GPC5: variants seen among roughly 807,000 people sequenced by gnomAD.
GPC5 encodes the protein glypican-5.
A neutral mutation model predicts 53.9 loss-of-function variants in GPC5; 47 were observed. The observed-to-expected ratio is 0.87, with a 90% CI of 0.69 to 1.11. The LOEUF is 1.11. GPC5 is among the 50% of genes most tolerant of loss of function. GPC5 has a pLI of 0.00. For missense variants in GPC5, 748 were observed against 713.1 expected (o/e 1.05, Z -0.56); for synonymous variants, 286 against 263.3 (o/e 1.09, Z -0.84).
intron 5 of GPC5, among the ~76,000 whole-genome samples, chr13:91,757,147 C>T (rs2037313021): frequency 6.6e-6 from 1 of 151,902 alleles, no homozygotes; most frequent in Non-Finnish European, 1.5e-5. Context: ...ATAAATTCTC[C>T]CTCTGTGGTC....
At chr13:92,151,979 GT>G in intron 7 of GPC5, among the ~76,000 whole-genome samples, 1 of 152,254 alleles carries the variant, frequency 6.6e-6, no homozygotes. Flanking sequence ...TTATAATTTG[GT>G]TTCAGCAACT....
chr13:92,752,890 C>T (rs543525235), intron 7 of GPC5, among the ~76,000 whole-genome samples: 1 of 152,238 alleles, frequency 6.6e-6, no homozygotes, highest in African/African-American at 2.4e-5. Flanking sequence ...GATCAAACTG[C>T]AAGGCGGCAG....
intron 7 of GPC5, among the ~76,000 whole-genome samples, chr13:92,621,809 A>G (rs914508543): frequency 6.6e-6 from 1 of 152,008 alleles, no homozygotes; most frequent in Non-Finnish European, 1.5e-5. Context: ...ACAGAGAAAG[A>G]CCCTGTCACT....
At chr13:92,517,333 G>C (rs527808495) in intron 7 of GPC5, among the ~76,000 whole-genome samples, 7 of 152,298 alleles carry the variant, frequency 4.6e-5, no homozygotes, top group South Asian at 4.1e-4. Context: ...GCTTTGAAGA[G>C]AGTAGTGTTT....
intron 5 of GPC5, among the ~76,000 whole-genome samples, chr13:91,860,303 T>C (rs993586603): frequency 1.3e-5 from 2 of 152,090 alleles, no homozygotes; most frequent in African/African-American, 4.8e-5. Flanking sequence ...CTTCCACATA[T>C]GAGTGAGAAG....
chr13:91,473,816 G>A (rs1217427056), intron 2 of GPC5, among the ~76,000 whole-genome samples: 1 of 152,072 alleles, frequency 6.6e-6, no homozygotes, highest in African/African-American at 2.4e-5. Flanking sequence ...GGATAGTATG[G>A]AAAAATAGTG....
At chr13:92,612,959 T>C (rs1477212522) in intron 7 of GPC5, among the ~76,000 whole-genome samples, 3 of 151,850 alleles carry the variant, frequency 2.0e-5, no homozygotes, top group Non-Finnish European at 4.4e-5. Flanking sequence ...TTAATCCTTA[T>C]AACACTCCTA....
chr13:91,936,595 G>A (rs751542190), intron 6 of GPC5, among the ~76,000 whole-genome samples: 22 of 151,946 alleles, frequency 1.4e-4, no homozygotes, highest in Non-Finnish European at 3.2e-4. Context: ...TTATTATTCA[G>A]TCTACCACAT....
rs568273368 is a variant in GPC5 at position 92,297,865 on chromosome 13, T to A, written c.1561+152876T>A. ...ACTCTTTGGGTCCACGCTGCTTTTA[T>A]GAGCTGTAACACTCACCGCGAAGAT... On this transcript the variant is annotated intron_variant, in intron 7 of 7. Coordinates refer to ENST00000377067, the MANE Select transcript of GPC5 (RefSeq NM_004466.6). 9.9e-5 allele frequency among the ~76,000 whole-genome samples: 15 copies of A among 152,198 alleles called. 1 individual carries two copies. The East Asian group carries it at 2.9e-3, about 30-fold the overall frequency.
intron 7 of GPC5, chr13:92,705,874 TGAG>T (rs1357125123): frequency 6.6e-6 from 1 of 150,906 alleles, no homozygotes; most frequent in African/African-American, 2.4e-5. Context: ...TTGGTTGAGC[TGAG>T]GAGTTTAATA....
rs1244826471 is a variant in GPC5 at position 91,398,659 on chromosome 13, A to AGGCGGCGGC, written c.-378_-370dup. The AGGCGGCGGC allele has an allele frequency of 5.4e-4, 54 of 100,498 alleles. 1 individual carries two copies. The highest frequency in any genetic ancestry group is 1.7e-3 in the African/African-American group (52 of 31,410). The allele number at this position is 100,498 out of a possible 1,614,324, so 6.2% of individuals were successfully genotyped here. ...TGCTGCGAGCCGAGCCGGGCGGCGGAGGCGGCGGCGGCGGCGGCAGTGGCG... is the reference window on the plus strand; with the variant it reads ...TGCTGCGAGCCGAGCCGGGCGGCGGAGGCGGCGGCGGCGGCGGCGGCGGCGGCAGTGGCG... On this transcript the variant is annotated 5_prime_UTR_variant, in exon 1 of 8. Transcript: ENST00000377067.
intron 7 of GPC5, among the ~76,000 whole-genome samples, chr13:92,346,239 A>T (rs759410860): frequency 6.6e-6 from 1 of 152,128 alleles, no homozygotes; most frequent in Admixed American, 6.6e-5. Flanking sequence ...TGCCTGTCCC[A>T]AGCAGTGACT....
intron 1 of GPC5, among the ~76,000 whole-genome samples, chr13:91,429,900 G>A (rs1414127932): frequency 1.3e-5 from 2 of 152,140 alleles, no homozygotes; most frequent in African/African-American, 2.4e-5. Flanking sequence ...TATGTGAGGA[G>A]CAAGGATACA....
At chr13:92,436,079 A>G (rs1877293892) in intron 7 of GPC5, among the ~76,000 whole-genome samples, 1 of 152,196 alleles carries the variant, frequency 6.6e-6, no homozygotes. Flanking sequence ...AAAATTATTC[A>G]TTCAGACCAT....
chr13:91,655,323 A>G (rs933454693), intron 2 of GPC5, among the ~76,000 whole-genome samples: 1 of 152,096 alleles, frequency 6.6e-6, no homozygotes, highest in Non-Finnish European at 1.5e-5. Context: ...ATGTATGTAT[A>G]CTAAAATTTG....
chr13:91,876,577 G>A (rs1354238709), intron 5 of GPC5, among the ~76,000 whole-genome samples: 1 of 152,150 alleles, frequency 6.6e-6, no homozygotes, highest in Non-Finnish European at 1.5e-5. Context: ...TAGGGTATCT[G>A]GTGGAAAAAA....
At position 91,756,400 on chromosome 13, in the gene GPC5, T is replaced by C. The variant is rs775775860; in HGVS notation, c.1260T>C (p.Asn420=). 8 of 1,592,906 alleles carry C rather than the reference T, an allele frequency of 5.0e-6. No individual in the cohort carries two copies. Among genetic ancestry groups the C allele is most frequent in the African/African-American group, 2.7e-5 (2 of 74,600 alleles). The change falls in exon 5 of 8, where the codon AAT becomes AAC. Residue 420 remains asparagine (N), a synonymous_variant. Transcript: ENST00000377067. ...CTGCAGATGGACTTCCCTGCTGGAA[T>C]GGAGAAGATATAGTAAAAAGGTATT... ...LAAADGLPCW[N]GEDIVKSYTQ... is the part of the protein sequence containing the mutation.
intron 7 of GPC5, among the ~76,000 whole-genome samples, chr13:92,502,020 C>CA (rs1880201525): frequency 6.6e-6 from 1 of 151,880 alleles, no homozygotes; most frequent in Non-Finnish European, 1.5e-5. Flanking sequence ...AGAAGAGCGA[C>CA]AAAAATGGCA....
At chr13:92,715,781 A>G (rs970557922) in intron 7 of GPC5, among the ~76,000 whole-genome samples, 9 of 152,214 alleles carry the variant, frequency 5.9e-5, no homozygotes, top group Non-Finnish European at 7.3e-5. Flanking sequence ...GAAAGAAATG[A>G]CAATTATGGA....
Sources: gnomAD v4.1 joint callset for allele counts (sites outside exome capture counted in the v4.1 genomes callset) on GRCh38, gnomAD v4.1.1 for gene constraint, MANE v1.5 for transcripts, NCBI Gene and HGNC (gene_info 2026-07-23, HGNC 2026-07-21) for gene names.